Variants in RALGPS2 observed in about 807,000 individuals in gnomAD.
The protein encoded by RALGPS2 is ras-specific guanine nucleotide-releasing factor RalGPS2.
RALGPS2 carries 43 observed loss-of-function variants against 86.8 expected under a neutral mutation model. That is an observed-to-expected ratio of 0.50 (90% CI 0.39 to 0.64). The LOEUF (loss-of-function observed/expected upper bound fraction) is 0.64, where lower values mean the gene tolerates loss of function less well. Ranked by LOEUF, RALGPS2 falls within the 30% of genes least tolerant of loss-of-function variation. RALGPS2 has a pLI of 0.00. For synonymous variants in RALGPS2, 243 were observed against 231.3 expected (o/e 1.05, Z -0.46); for missense variants, 536 against 694.6 (o/e 0.77, Z 2.57).
chr1:178,831,114 T>A (rs1655996468), intron 7 of RALGPS2, among the ~76,000 whole-genome samples: 1 of 152,152 alleles, frequency 6.6e-6, no homozygotes. Context: ...AAATAAAATT[T>A]GAGGGGAATG....
At chr1:178,849,228 C>G (rs550492560) in intron 8 of RALGPS2, among the ~76,000 whole-genome samples, 27 of 152,244 alleles carry the variant, frequency 1.8e-4, no homozygotes, top group African/African-American at 6.3e-4. Context: ...GCCACAGACC[C>G]AAGCAGTTCT....
At chr1:178,760,979 CTT>C (rs200598214) in intron 1 of RALGPS2, among the ~76,000 whole-genome samples, 4 of 138,064 alleles carry the variant, frequency 2.9e-5, no homozygotes, top group Admixed American at 7.3e-5. Context: ...AGACTTTATT[CTT>C]TTTTTTTTTT....
At chr1:178,770,248 A>ATC in intron 1 of RALGPS2, among the ~76,000 whole-genome samples, 1 of 151,970 alleles carries the variant, frequency 6.6e-6, no homozygotes, top group East Asian at 1.9e-4. Flanking sequence ...TGAACTCCTA[A>ATC]GCAGAAGTGA....
At chr1:178,865,276 C>T (rs747108942) in intron 8 of RALGPS2, 1 of 1,613,962 alleles carries the variant, frequency 6.2e-7, no homozygotes, top group Non-Finnish European at 8.5e-7. Context: ...TTGTTGCCAT[C>T]TTCAACATTT....
chr1:178,847,279 C>A (rs1656913957), intron 8 of RALGPS2, among the ~76,000 whole-genome samples: 2 of 152,148 alleles, frequency 1.3e-5, no homozygotes, highest in Admixed American at 6.5e-5. Context: ...AACCCCATCT[C>A]TACTGAAAAT....
chr1:178,739,970 T>A (rs866437562), intron 1 of RALGPS2, among the ~76,000 whole-genome samples: 3 of 152,200 alleles, frequency 2.0e-5, no homozygotes, highest in Non-Finnish European at 2.9e-5. Context: ...TGATACTACT[T>A]CTAACTCTGA....
In RALGPS2 at chr1:178,917,366, A is replaced by G. The variant is rs1660848649; in HGVS notation, c.*1007A>G. 6.6e-6 allele frequency: 1 copy of G among 152,162 alleles called. No homozygotes were observed. Among genetic ancestry groups the G allele is most frequent in the Non-Finnish European group, 1.5e-5 (1 of 68,016 alleles). The allele number at this position is 152,162 out of a possible 1,614,324, so 9.4% of individuals were successfully genotyped here. The stretch of plus-strand genomic sequence containing the variant: ...TTTTCTTTTACAGTGTTTGATGTGC[A>G]TAATGCCAGAGTTATTTTTTTATTA... On this transcript the variant is annotated 3_prime_UTR_variant, in exon 20 of 20. Coordinates refer to ENST00000367635, the MANE Select transcript of RALGPS2 (RefSeq NM_152663.5).
At chr1:178,783,499 G>C (rs1350652467) in intron 2 of RALGPS2, among the ~76,000 whole-genome samples, 1 of 152,174 alleles carries the variant, frequency 6.6e-6, no homozygotes, top group African/African-American at 2.4e-5. Flanking sequence ...CCCTTTCTTT[G>C]TAATGATCGT....
intron 10 of RALGPS2, among the ~76,000 whole-genome samples, chr1:178,880,082 A>T: frequency 6.6e-6 from 1 of 152,118 alleles, no homozygotes; most frequent in East Asian, 1.9e-4. Context: ...GCAAGCTTTC[A>T]AATTGAATTT....
intron 18 of RALGPS2, 127 bp from the exon 19 acceptor site, chr1:178,906,646 TGGA>T: frequency 1.5e-6 from 1 of 648,560 alleles, no homozygotes. Flanking sequence ...TACAATAAAA[TGGA>T]GGTGTTGAAT....
At chr1:178,897,452 G>A (rs1043844727) in intron 16 of RALGPS2, among the ~76,000 whole-genome samples, 1 of 152,026 alleles carries the variant, frequency 6.6e-6, no homozygotes, top group Non-Finnish European at 1.5e-5. Flanking sequence ...TTTGTAGCTG[G>A]AGGAAAGACT....
rs1660831630 is a variant in RALGPS2 at position 178,916,763 on chromosome 1, T to C, written c.*404T>C. The C allele has an allele frequency of 6.0e-6, 1 of 166,684 alleles. No individual in the cohort carries two copies. Among genetic ancestry groups the C allele is most frequent in the African/African-American group, 2.4e-5 (1 of 42,082 alleles). The allele number at this position is 166,684 out of a possible 1,614,324, so 10.3% of individuals were successfully genotyped here. A position where few individuals can be genotyped will look rare whatever the true frequency, so the allele number is the denominator to read the frequency against. ...AGGGGGGAATTGCCTTTTTTAGATA[T>C]GCTTTAAAAAGGAAAAACATACTCT... On this transcript the variant is annotated 3_prime_UTR_variant, in exon 20 of 20. Coordinates refer to ENST00000367635, the MANE Select transcript of RALGPS2 (RefSeq NM_152663.5).
Position 178,920,314 on chromosome 1 carries a change from T to C in RALGPS2, c.*3955T>C, listed in dbSNP as rs1388828968. The C allele has an allele frequency of 6.6e-6, 1 of 152,028 alleles. No homozygotes were observed. The highest frequency in any genetic ancestry group is 2.4e-5 in the African/African-American group (1 of 41,432). 9.4% of individuals were successfully genotyped at this position (152,028 alleles called of 1,614,324 possible). On this transcript the variant is annotated 3_prime_UTR_variant, in exon 20 of 20. Coordinates refer to ENST00000367635, the MANE Select transcript of RALGPS2 (RefSeq NM_152663.5). ...CCAGGCATAAAAACTCTTTTGCTTA[T>C]TGAAAGCAATTTGATTACACCTATG...
chr1:178,732,293 TTTTA>T (rs60426564), intron 1 of RALGPS2, among the ~76,000 whole-genome samples: 5,458 of 150,214 alleles, frequency 0.036, 119 homozygotes, highest in Middle Eastern at 0.059. Flanking sequence ...TCCTGATTTA[TTTTA>T]TTTATTTATT....
chr1:178,767,981 G>A (rs1652597237), intron 1 of RALGPS2, among the ~76,000 whole-genome samples: 1 of 152,176 alleles, frequency 6.6e-6, no homozygotes, highest in Admixed American at 6.5e-5. Flanking sequence ...GGCTCATAGC[G>A]ATTCCCCCAC....
At chr1:178,815,255 A>AT (rs112464719) in intron 6 of RALGPS2, among the ~76,000 whole-genome samples, 11 of 146,134 alleles carry the variant, frequency 7.5e-5, no homozygotes, top group African/African-American at 1.5e-4. Flanking sequence ...TAATTTTTGT[A>AT]TTTTTTTTTT....
chr1:178,885,044 C>T, intron 11 of RALGPS2, 32 bp from the exon 12 acceptor site: 1 of 1,536,314 alleles, frequency 6.5e-7, no homozygotes, highest in African/African-American at 1.4e-5. Context: ...ATAAAGTAAT[C>T]ATTTGAAAAT....
intron 3 of RALGPS2, 49 bp from the exon 4 acceptor site, chr1:178,785,508 T>C (rs1158509947): frequency 3.3e-6 from 5 of 1,527,680 alleles, no homozygotes; most frequent in Non-Finnish European, 4.4e-6. Flanking sequence ...TTACATGTTA[T>C]GGTATAGAAT....
intron 1 of RALGPS2, among the ~76,000 whole-genome samples, chr1:178,764,562 C>CT (rs1652403722): frequency 6.6e-6 from 1 of 152,168 alleles, no homozygotes; most frequent in South Asian, 2.1e-4. Context: ...GGTTACTAGC[C>CT]TGTGTACTTA....
Sources: gnomAD v4.1 joint callset for allele counts (sites outside exome capture counted in the v4.1 genomes callset) on GRCh38, gnomAD v4.1.1 for gene constraint, MANE v1.5 for transcripts, NCBI Gene and HGNC (gene_info 2026-07-23, HGNC 2026-07-21) for gene names.